The following ACSF3 variants were observed in gnomAD, a reference collection of about 807,000 sequenced individuals.
ACSF3 encodes acyl-CoA synthetase family member 3.
A neutral mutation model predicts 53.2 loss-of-function variants in ACSF3; 78 were observed. That is an observed-to-expected ratio of 1.47 (90% CI 1.22 to 1.77). The LOEUF (loss-of-function observed/expected upper bound fraction) is 1.77. Ranked by LOEUF, ACSF3 falls within the 40% of genes most tolerant of loss-of-function variation. The pLI is 0.00. For synonymous variants in ACSF3, 414 were observed against 333.1 expected (o/e 1.24, Z -2.65); for missense variants, 937 against 771.1 (o/e 1.22, Z -2.55).
chr16:89,131,768 G>A (rs985466650), intron 7 of ACSF3, among the ~76,000 whole-genome samples: 1 of 152,276 alleles, frequency 6.6e-6, no homozygotes, highest in Non-Finnish European at 1.5e-5. Context: ...GACCACGTCA[G>A]TGGAGCAGAT....
rs570793439 is a variant in ACSF3 at position 89,145,473 on chromosome 16, A to T, written c.1501+72A>T. The T allele has an allele frequency of 1.3e-3, 2,095 of 1,579,796 alleles. 2 individuals are homozygous for T. The highest frequency in any genetic ancestry group is 1.6e-3 in the Non-Finnish European group (1,798 of 1,158,292). On this transcript the variant is annotated intron_variant, in intron 9 of 10. Transcript: ENST00000614302. ...GCCTTCCATGTTTGAGTTTTAGACG[A>T]CTGCAGATGAGTCGACGCCGTCCCA...
chr16:89,123,867 C>T (rs991531649), intron 7 of ACSF3, among the ~76,000 whole-genome samples: 3 of 152,196 alleles, frequency 2.0e-5, no homozygotes, highest in South Asian at 2.1e-4. Context: ...GGGGCTGGCT[C>T]CTACCACTCC....
intron 8 of ACSF3, 151 bp downstream of exon 8, chr16:89,133,413 T>A: frequency 9.2e-7 from 1 of 1,086,176 alleles, no homozygotes; most frequent in South Asian, 1.4e-5. Context: ...GGGCCACTGT[T>A]ACGGCACTGC....
At chr16:89,110,382 A>C (rs1041884907) in intron 4 of ACSF3, among the ~76,000 whole-genome samples, 4 of 152,222 alleles carry the variant, frequency 2.6e-5, no homozygotes, top group African/African-American at 9.7e-5. Flanking sequence ...TCAGTGTGTC[A>C]GTGCCATTTG....
intron 4 of ACSF3, among the ~76,000 whole-genome samples, chr16:89,107,823 C>G (rs921806327): frequency 2.0e-5 from 3 of 152,146 alleles, no homozygotes; most frequent in African/African-American, 7.2e-5. Context: ...CACCCCAGCC[C>G]CAAATGTGGC....
At chr16:89,146,410 C>G (rs1257137826) in intron 10 of ACSF3, among the ~76,000 whole-genome samples, 1 of 152,142 alleles carries the variant, frequency 6.6e-6, no homozygotes, top group Non-Finnish European at 1.5e-5. Flanking sequence ...AGGGTTGACA[C>G]CAGCTGGCCG....
chr16:89,114,209 G>A (rs1567702472), intron 5 of ACSF3, 130 bp from the exon 6 acceptor site: 2 of 1,257,090 alleles, frequency 1.6e-6, no homozygotes, highest in Non-Finnish European at 2.3e-6. Context: ...ACGGCCTGGG[G>A]CTCCTGCACT....
At position 89,100,911 on chromosome 16, in the gene ACSF3, G is replaced by C. The variant is rs746501634; in HGVS notation, c.230G>C (p.Arg77Pro). Residue 77 changes from arginine to proline, a missense_variant, in exon 3 of 11, where the codon CGC becomes CCC. Coordinates refer to ENST00000614302, the MANE Select transcript of ACSF3 (RefSeq NM_001243279.3). The stretch of plus-strand genomic sequence containing the variant: ...AGGGAGCTTTATTCCCGCAGCCTTC[G>C]CCTGTCCCAGGAGATCTGCAGGCTC... ...TYRELYSRSLRLSQEICRLCG... is the reference protein window; with the variant it reads ...TYRELYSRSLPLSQEICRLCG... The C allele has an allele frequency of 1.2e-6, 2 of 1,613,738 alleles. No individual in the cohort carries two copies. The highest frequency in any genetic ancestry group is 1.7e-6 in the Non-Finnish European group (2 of 1,180,048).
At position 89,098,774 on chromosome 16, in the gene ACSF3, A is replaced by G. The variant is rs1974920622; in HGVS notation, c.-21+11A>G. 2 of 454,042 alleles carry G rather than the reference A, an allele frequency of 4.4e-6. No homozygotes were observed. Among genetic ancestry groups the G allele is most frequent in the Non-Finnish European group, 4.4e-6 (1 of 226,800 alleles). 28.1% of individuals were successfully genotyped at this position (454,042 alleles called of 1,614,324 possible). ...TGGCTCGGGAGCTGGGTGAGTTTGAACTTGGCCTCCTTTGCTTTTCTGTGT... is the reference window on the plus strand; with the variant it reads ...TGGCTCGGGAGCTGGGTGAGTTTGAGCTTGGCCTCCTTTGCTTTTCTGTGT... On this transcript the variant is annotated intron_variant, in intron 2 of 10. Transcript: ENST00000614302.
chr16:89,138,640 T>C (rs1324772906), intron 8 of ACSF3, among the ~76,000 whole-genome samples: 1 of 152,186 alleles, frequency 6.6e-6, no homozygotes, highest in African/African-American at 2.4e-5. Context: ...GAGCCATATG[T>C]CCACGCTGAC....
At chr16:89,121,143 C>T (rs909908286) in intron 7 of ACSF3, among the ~76,000 whole-genome samples, 1 of 152,256 alleles carries the variant, frequency 6.6e-6, no homozygotes, top group African/African-American at 2.4e-5. Context: ...CAGAGGGAGC[C>T]CAGGGCGGAA....
At chr16:89,109,692 G>A (rs143937784) in intron 4 of ACSF3, among the ~76,000 whole-genome samples, 5 of 152,094 alleles carry the variant, frequency 3.3e-5, no homozygotes, top group African/African-American at 9.6e-5. Flanking sequence ...GATTATAGCC[G>A]TGAGCCCGCC....
At chr16:89,153,371 A>C (rs915185216) in intron 10 of ACSF3, 1 of 154,742 alleles carries the variant, frequency 6.5e-6, no homozygotes, top group African/African-American at 2.4e-5. Flanking sequence ...TCAGTTTCAG[A>C]TCCCAGCGCC....
At chr16:89,153,068 T>C (rs1914297498) in intron 10 of ACSF3, 1 of 152,590 alleles carries the variant, frequency 6.6e-6, no homozygotes, top group Non-Finnish European at 1.5e-5. Flanking sequence ...TCTGGCCGCG[T>C]CTGGACGGCA....
chr16:89,155,586 C>G lies in ACSF3; in HGVS notation c.*1379C>G, dbSNP rs775911088. 1 of 454,108 alleles carries G rather than the reference C, an allele frequency of 2.2e-6. No homozygotes were observed. Among genetic ancestry groups the G allele is most frequent in the South Asian group, 1.6e-5 (1 of 64,474 alleles). 28.1% of individuals were successfully genotyped at this position (454,108 alleles called of 1,614,324 possible). A position where few individuals can be genotyped will look rare whatever the true frequency, so the allele number is the denominator to read the frequency against. On this transcript the variant is annotated 3_prime_UTR_variant, in exon 11 of 11. Transcript: ENST00000614302. ...CTTGTGCATCCCCATGGCCTGACCC[C>G]GGGAACAGTCAGAGGAAGGGGTCCC...
chr16:89,120,790 C>G lies in ACSF3; in HGVS notation c.1127-11C>G. 1 of 1,613,060 alleles carries G rather than the reference C, an allele frequency of 6.2e-7. No homozygotes were observed. Among genetic ancestry groups the G allele is most frequent in the Non-Finnish European group, 8.5e-7 (1 of 1,179,100 alleles). On this transcript the variant is annotated splice_polypyrimidine_tract_variant and intron_variant, in intron 6 of 10. Transcript: ENST00000614302. ...TCCAGCCTCCCCTTCAGTGTTTCTC[C>G]TCTCCTGTAGGTTCCGTGGGGACCC...
chr16:89,154,139 G>C lies in ACSF3; in HGVS notation c.1663G>C (p.Glu555Gln). 1 of 1,613,450 alleles carries C rather than the reference G, an allele frequency of 6.2e-7. No homozygotes were observed. Among genetic ancestry groups the C allele is most frequent in the Non-Finnish European group, 8.5e-7 (1 of 1,179,780 alleles). ...GCCCTCGGAGCTGGTGCTGGTGGAG[G>C]AGATCCCGCGGAACCAGATGGGCAA... ...AVPSELVLVEEIPRNQMGKID... is the reference protein window; with the variant it reads ...AVPSELVLVEQIPRNQMGKID... The change falls in exon 11 of 11, where the codon GAG (glutamate) becomes CAG (glutamine). Residue 555 changes from glutamate to glutamine, a missense_variant. Glu to Gln is a conservative substitution (Grantham distance 29). Coordinates refer to ENST00000614302, the MANE Select transcript of ACSF3 (RefSeq NM_001243279.3).
intron 1 of ACSF3, chr16:89,095,358 T>C (rs1319888176): frequency 6.6e-6 from 1 of 152,230 alleles, no homozygotes; most frequent in Non-Finnish European, 1.5e-5. Flanking sequence ...CTTCCTAAAA[T>C]GGATATGGGT....
Position 89,145,492 on chromosome 16 carries a change from C to T in ACSF3, c.1501+91C>T, listed in dbSNP as rs1912751810. 1.6e-5 allele frequency: 24 copies of T among 1,489,010 alleles called. 1 individual carries two copies. In the South Asian group the frequency reaches 2.0e-4, roughly 13 times the overall value. 92.2% of individuals were successfully genotyped at this position (1,489,010 alleles called of 1,614,324 possible). On this transcript the variant is annotated intron_variant, in intron 9 of 10. Transcript: ENST00000614302. ...TAGACGACTGCAGATGAGTCGACGC[C>T]GTCCCAGCTGCCTGCAGGGGTCCCT... is the stretch of plus-strand genomic sequence containing the variant.
Sources: gnomAD v4.1 joint callset for allele counts (sites outside exome capture counted in the v4.1 genomes callset) on GRCh38, gnomAD v4.1.1 for gene constraint, MANE v1.5 for transcripts, NCBI Gene and HGNC (gene_info 2026-07-23, HGNC 2026-07-21) for gene names.